The following PPARGC1B variants were observed in gnomAD, a reference collection of about 807,000 sequenced individuals.
The protein encoded by PPARGC1B is peroxisome proliferator-activated receptor gamma coactivator 1-beta.
In PPARGC1B, 34 loss-of-function variants were observed where a neutral mutation model predicts 101.6. The ratio of observed to expected loss-of-function variants is 0.33; its 90% CI spans 0.25 to 0.45. The LOEUF is 0.45. Ranked by LOEUF, PPARGC1B falls within the 20% of genes least tolerant of loss-of-function variation. PPARGC1B has a pLI of 1.00. For synonymous variants in PPARGC1B, 548 were observed against 539.3 expected, an observed-to-expected ratio of 1.02 and a Z score of -0.22; for missense variants, 1,234 against 1,317.6, an observed-to-expected ratio of 0.94 and a Z score of 0.98.
intron 1 of PPARGC1B, among the ~76,000 whole-genome samples, chr5:149,817,438 C>G (rs1350249594): frequency 2.6e-5 from 4 of 152,162 alleles, no homozygotes; most frequent in African/African-American, 9.7e-5. Flanking sequence ...CGTGATCAAG[C>G]CATGTTGTAT....
intron 1 of PPARGC1B, among the ~76,000 whole-genome samples, chr5:149,791,054 C>G (rs1358092432): frequency 1.3e-5 from 2 of 151,906 alleles, no homozygotes; most frequent in African/African-American, 4.8e-5. Flanking sequence ...TTTGGGAGGC[C>G]AAGGCGGGCG....
intron 1 of PPARGC1B, among the ~76,000 whole-genome samples, chr5:149,785,781 A>T (rs546515789): frequency 2.6e-5 from 4 of 152,314 alleles, no homozygotes; most frequent in Non-Finnish European, 5.9e-5. Context: ...ACCTAGGTTG[A>T]CACTAAATGA....
intron 1 of PPARGC1B, among the ~76,000 whole-genome samples, chr5:149,762,697 C>T (rs1036868872): frequency 1.4e-4 from 21 of 152,302 alleles, no homozygotes; most frequent in African/African-American, 4.6e-4. Context: ...CTGGAGGCAG[C>T]CTATTTCATT....
chr5:149,753,733 G>A (rs180899388), intron 1 of PPARGC1B, among the ~76,000 whole-genome samples: 324 of 151,906 alleles, frequency 2.1e-3, no homozygotes, highest in Non-Finnish European at 2.8e-3. Flanking sequence ...TTGCTTTGTC[G>A]CCCAGGTTGG....
chr5:149,750,453 AAT>A (rs55971526), intron 1 of PPARGC1B, among the ~76,000 whole-genome samples: 1,365 of 123,112 alleles, frequency 0.011, 16 homozygotes, highest in Non-Finnish European at 0.015. Flanking sequence ...TTTTAGTTAA[AAT>A]ATATATATAT....
At chr5:149,818,379 A>G (rs1254786890) in intron 1 of PPARGC1B, among the ~76,000 whole-genome samples, 1 of 152,186 alleles carries the variant, frequency 6.6e-6, no homozygotes, top group Non-Finnish European at 1.5e-5. Context: ...TGGAGAAAGA[A>G]TGGGCAGGTG....
chr5:149,841,731 C>T (rs1759344788), intron 9 of PPARGC1B, among the ~76,000 whole-genome samples: 1 of 152,154 alleles, frequency 6.6e-6, no homozygotes, highest in African/African-American at 2.4e-5. Flanking sequence ...GTTCTGGGCA[C>T]CCACTGGCAT....
intron 1 of PPARGC1B, among the ~76,000 whole-genome samples, chr5:149,779,575 A>T (rs552340755): frequency 6.6e-6 from 1 of 152,318 alleles, no homozygotes; most frequent in East Asian, 1.9e-4. Context: ...CAAGGAGACA[A>T]ATCAGATAAA....
At chr5:149,816,040 C>G (rs251466) in intron 1 of PPARGC1B, among the ~76,000 whole-genome samples, 51,432 of 151,980 alleles carry the variant, frequency 0.34, 9,503 homozygotes, top group African/African-American at 0.46. Flanking sequence ...CCTGTGGAAG[C>G]CTCCCGGGAC....
intron 2 of PPARGC1B, among the ~76,000 whole-genome samples, chr5:149,824,433 G>A (rs1211233145): frequency 1.3e-5 from 2 of 152,156 alleles, no homozygotes; most frequent in African/African-American, 4.8e-5. Flanking sequence ...TGAGCTTAGG[G>A]ACCTAAGCAC....
chr5:149,733,093 C>T (rs1476656287), intron 1 of PPARGC1B, among the ~76,000 whole-genome samples: 1 of 152,204 alleles, frequency 6.6e-6, no homozygotes, highest in Non-Finnish European at 1.5e-5. Flanking sequence ...CCAAACTTTC[C>T]CTGACCCTCC....
rs77241719 is a variant in PPARGC1B, at chr5:149,841,339, G to A, written c.2695-917G>A. On this transcript the variant is annotated intron_variant, in intron 9 of 11. Coordinates refer to ENST00000309241, the MANE Select transcript of PPARGC1B (RefSeq NM_133263.4). ...ATGAATTCAAGAAGCTGCAAGGAGA[G>A]TGGGAGGAGGGGATTTCTCTGTTGA... Among the ~76,000 whole-genome samples, 26 of 152,186 alleles carry A rather than the reference G, an allele frequency of 1.7e-4. No individual in the cohort carries two copies. The East Asian group carries it at 5.0e-3, about 29-fold the overall frequency.
chr5:149,792,029 G>T (rs1398351427), intron 1 of PPARGC1B, among the ~76,000 whole-genome samples: 1 of 152,144 alleles, frequency 6.6e-6, no homozygotes, highest in Non-Finnish European at 1.5e-5. Context: ...GGGACAAAGG[G>T]TGTCCCCCAG....
At chr5:149,792,643 A>C (rs1004126758) in intron 1 of PPARGC1B, among the ~76,000 whole-genome samples, 2 of 152,204 alleles carry the variant, frequency 1.3e-5, no homozygotes, top group Admixed American at 6.5e-5. Context: ...AAGTGGGATC[A>C]TATTCATTTC....
intron 1 of PPARGC1B, chr5:149,772,072 G>A: frequency 1.3e-6 from 2 of 1,564,066 alleles, no homozygotes; most frequent in Non-Finnish European, 1.7e-6. Context: ...GGGGACCTCT[G>A]AGGGGCCTGC....
chr5:149,838,191 A>C (rs1469113766), intron 8 of PPARGC1B, among the ~76,000 whole-genome samples: 1 of 152,222 alleles, frequency 6.6e-6, no homozygotes, highest in Non-Finnish European at 1.5e-5. Context: ...AAGTGTTCTT[A>C]ACTGTTTGAA....
At chr5:149,741,718 C>A (rs1754914749) in intron 1 of PPARGC1B, among the ~76,000 whole-genome samples, 1 of 151,836 alleles carries the variant, frequency 6.6e-6, no homozygotes, top group Non-Finnish European at 1.5e-5. Flanking sequence ...ACCCCCTCCT[C>A]CCATGTTCAA....
intron 1 of PPARGC1B, among the ~76,000 whole-genome samples, chr5:149,733,575 T>C (rs1222070069): frequency 6.6e-6 from 1 of 152,246 alleles, no homozygotes; most frequent in Non-Finnish European, 1.5e-5. Flanking sequence ...CCTGTCAGTA[T>C]GCTGAGCTGT....
chr5:149,764,946 C>T (rs1481939759), intron 1 of PPARGC1B, among the ~76,000 whole-genome samples: 1 of 152,224 alleles, frequency 6.6e-6, no homozygotes, highest in Non-Finnish European at 1.5e-5. Flanking sequence ...TACCCAAACA[C>T]ACATGTCCTC....
Sources: gnomAD v4.1 joint callset for allele counts (sites outside exome capture counted in the v4.1 genomes callset) on GRCh38, gnomAD v4.1.1 for gene constraint, MANE v1.5 for transcripts, NCBI Gene and HGNC (gene_info 2026-07-23, HGNC 2026-07-21) for gene names.